The following RAB27A variants were observed in gnomAD, a reference collection of about 807,000 sequenced individuals.
RAB27A encodes the protein ras-related protein Rab-27A.
Under a neutral mutation model 20.8 loss-of-function variants are expected in RAB27A, and 17 were observed. The observed-to-expected ratio is 0.82, with a 90% CI of 0.56 to 1.23. RAB27A has a LOEUF of 1.23. Ranked by LOEUF, RAB27A falls within the 50% of genes most tolerant of loss-of-function variation. The probability of loss-of-function intolerance (pLI) is 0.00; values close to 1 mark genes in which losing one functional copy is unlikely to be tolerated. For missense variants in RAB27A, 277 were observed against 266.7 expected (o/e 1.04, Z -0.27); for synonymous variants, 85 against 92.8 (o/e 0.92, Z 0.48).
At chr15:55,244,373 G>C (rs1041023982) in intron 2 of RAB27A, among the ~76,000 whole-genome samples, 2 of 152,002 alleles carry the variant, frequency 1.3e-5, no homozygotes, top group African/African-American at 4.8e-5. Context: ...CAGTAGAGAA[G>C]AAAGAGACAG....
intron 6 of RAB27A, among the ~76,000 whole-genome samples, chr15:55,218,647 C>G (rs866287205): frequency 9.2e-5 from 14 of 152,142 alleles, no homozygotes; most frequent in African/African-American, 3.1e-4. Flanking sequence ...TAACCAGCAG[C>G]CTTCAGCAGG....
At chr15:55,314,142 C>T (rs1410795646) in exon 2 of RAB27A, 3 of 137,656 alleles carry the variant, frequency 2.2e-5, no homozygotes, top group African/African-American at 8.4e-5. Flanking sequence ...CCAGCCTGGG[C>T]ATCACAGCGA....
upstream of RAB27A, among the ~76,000 whole-genome samples, chr15:55,290,576 G>A (rs570440909): frequency 3.0e-4 from 45 of 152,340 alleles, no homozygotes; most frequent in African/African-American, 1.0e-3. Context: ...ACTACAGTAT[G>A]TTAAGGAACC....
chr15:55,314,448 A>AT (rs1363032978), intron 1 of RAB27A, among the ~76,000 whole-genome samples: 5 of 152,210 alleles, frequency 3.3e-5, no homozygotes, highest in African/African-American at 1.2e-4. Flanking sequence ...GAAGAAAGAA[A>AT]GGGTATTCAA....
chr15:55,273,226 G>A (rs1423135566), intron 1 of RAB27A, among the ~76,000 whole-genome samples: 1 of 151,904 alleles, frequency 6.6e-6, no homozygotes, highest in Non-Finnish European at 1.5e-5. Context: ...AGCCAATGTG[G>A]TGAAACTCCA....
intron 2 of RAB27A, among the ~76,000 whole-genome samples, chr15:55,267,507 C>G (rs1049690921): frequency 6.6e-6 from 1 of 152,324 alleles, no homozygotes; most frequent in African/African-American, 2.4e-5. Flanking sequence ...AGGGCCCCAG[C>G]CACGCTGCAG....
chr15:55,285,328 C>T, intron 1 of RAB27A, among the ~76,000 whole-genome samples: 1 of 133,406 alleles, frequency 7.5e-6, no homozygotes. Flanking sequence ...AAAAAAAAAA[C>T]AGGAAAGGAG....
intron 6 of RAB27A, among the ~76,000 whole-genome samples, chr15:55,213,669 C>T (rs1595674532): frequency 6.6e-6 from 1 of 152,140 alleles, no homozygotes; most frequent in South Asian, 2.1e-4. Flanking sequence ...GAGCACAAGC[C>T]ATATTGTGAA....
chr15:55,276,976 T>A (rs1324766808), intron 1 of RAB27A, among the ~76,000 whole-genome samples: 1 of 152,172 alleles, frequency 6.6e-6, no homozygotes. Flanking sequence ...AGACTTTTTA[T>A]CTGTCAATAA....
chr15:55,255,774 G>A (rs1897056100), intron 2 of RAB27A, among the ~76,000 whole-genome samples: 1 of 152,172 alleles, frequency 6.6e-6, no homozygotes, highest in South Asian at 2.1e-4. Context: ...GGTAATTAGG[G>A]TGAGGTGGAA....
chr15:55,226,346 G>A (rs1347182954), intron 5 of RAB27A, among the ~76,000 whole-genome samples: 1 of 152,116 alleles, frequency 6.6e-6, no homozygotes, highest in Non-Finnish European at 1.5e-5. Flanking sequence ...CTTCTCAAGA[G>A]GGCATGGAGA....
chr15:55,274,237 A>C (rs1261258513), intron 1 of RAB27A, among the ~76,000 whole-genome samples: 2 of 152,190 alleles, frequency 1.3e-5, no homozygotes, highest in Non-Finnish European at 2.9e-5. Context: ...TAGGGGATTC[A>C]GGAGAAGCAG....
chr15:55,273,055 A>C (rs1198905763), intron 1 of RAB27A, among the ~76,000 whole-genome samples: 1 of 152,226 alleles, frequency 6.6e-6, no homozygotes, highest in Non-Finnish European at 1.5e-5. Flanking sequence ...AAAATGGCAT[A>C]GTAAGTCCCT....
At chr15:55,210,077 CATATATACACATATATGTGTGTAT>C (rs1566896824) in intron 6 of RAB27A, among the ~76,000 whole-genome samples, 1 of 83,204 alleles carries the variant, frequency 1.2e-5, no homozygotes, top group Non-Finnish European at 2.3e-5. Flanking sequence ...TGTACATATA[CATATATACACATATATGTGTGTAT>C]ATATACACAC....
intron 1 of RAB27A, among the ~76,000 whole-genome samples, chr15:55,288,121 A>G (rs1423443392): frequency 6.6e-6 from 1 of 152,230 alleles, no homozygotes; most frequent in Admixed American, 6.5e-5. Flanking sequence ...ATGAAATGTA[A>G]GAGCTAAAAA....
chr15:55,309,919 G>A (rs186385657), intron 2 of RAB27A, among the ~76,000 whole-genome samples: 24 of 152,084 alleles, frequency 1.6e-4, no homozygotes, highest in African/African-American at 5.5e-4. Flanking sequence ...CGGGTCTAAG[G>A]GGGTACTGCC....
intron 2 of RAB27A, among the ~76,000 whole-genome samples, chr15:55,305,349 T>C (rs2054992409): frequency 6.6e-6 from 1 of 152,212 alleles, no homozygotes; most frequent in African/African-American, 2.4e-5. Context: ...GTCATTAACA[T>C]TGGAGCATGG....
intron 4 of RAB27A, among the ~76,000 whole-genome samples, chr15:55,228,966 T>C (rs1895926752): frequency 6.6e-6 from 1 of 152,216 alleles, no homozygotes; most frequent in Non-Finnish European, 1.5e-5. Flanking sequence ...CCCAAGAATT[T>C]ATGTACAATT....
intron 2 of RAB27A, among the ~76,000 whole-genome samples, chr15:55,269,063 C>A (rs545627376): frequency 2.0e-5 from 3 of 152,302 alleles, no homozygotes; most frequent in Admixed American, 1.3e-4. Flanking sequence ...GGAACGGATT[C>A]TCCCTCACAG....
Sources: allele counts gnomAD v4.1 joint callset (sites outside exome capture counted in the v4.1 genomes callset), GRCh38; gene constraint gnomAD v4.1.1; transcripts MANE v1.5; gene names NCBI Gene and HGNC (gene_info 2026-07-23, HGNC 2026-07-21).